NXN: variants seen among roughly 807,000 people sequenced by gnomAD.
NXN encodes the protein nucleoredoxin.
A neutral mutation model predicts 48.6 loss-of-function variants in NXN; 16 were observed. The observed-to-expected ratio is 0.33, with a 90% CI of 0.22 to 0.50. The LOEUF is 0.50. NXN is among the 20% of genes least tolerant of loss of function. The probability of loss-of-function intolerance (pLI) is 0.98; values close to 1 mark genes in which losing one functional copy is unlikely to be tolerated. For synonymous variants in NXN, 281 were observed against 269.6 expected, an observed-to-expected ratio of 1.04 and a Z score of -0.41; for missense variants, 492 against 605.5, an observed-to-expected ratio of 0.81 and a Z score of 1.97.
chr17:955,135 C>T (rs183287304), intron 1 of NXN, among the ~76,000 whole-genome samples: 63 of 151,816 alleles, frequency 4.1e-4, no homozygotes, highest in African/African-American at 1.4e-3. Context: ...GTGGTATTTC[C>T]CTCTTTTCCA....
chr17:829,693 C>T (rs1913347813), intron 1 of NXN, among the ~76,000 whole-genome samples: 1 of 152,110 alleles, frequency 6.6e-6, no homozygotes, highest in Non-Finnish European at 1.5e-5. Context: ...CATTGTTCAA[C>T]TCCCATTTAT....
intron 1 of NXN, among the ~76,000 whole-genome samples, chr17:895,505 C>T (rs1382032912): frequency 1.3e-5 from 2 of 152,068 alleles, no homozygotes; most frequent in African/African-American, 4.8e-5. Flanking sequence ...TACAATAATA[C>T]TTTCTGGTTT....
intron 1 of NXN, among the ~76,000 whole-genome samples, chr17:880,993 C>T (rs1032079367): frequency 8.5e-5 from 13 of 152,110 alleles, no homozygotes; most frequent in Non-Finnish European, 1.5e-4. Context: ...GCCCCATCTA[C>T]GGCAGGTAGC....
intron 1 of NXN, among the ~76,000 whole-genome samples, chr17:829,592 G>A (rs1014314269): frequency 2.0e-5 from 3 of 151,862 alleles, no homozygotes; most frequent in African/African-American, 7.3e-5. Flanking sequence ...GCATGCATTA[G>A]GTATTTCTCC....
intron 1 of NXN, among the ~76,000 whole-genome samples, chr17:937,540 C>T (rs1368455936): frequency 1.3e-5 from 2 of 152,190 alleles, no homozygotes; most frequent in Non-Finnish European, 2.9e-5. Flanking sequence ...TCGAGAGGAA[C>T]GCACACTTCT....
chr17:888,311 T>C lies in NXN; in HGVS notation c.361-62233A>G, dbSNP rs2068371382. Among the ~76,000 whole-genome samples, 6 of 152,200 alleles carry C rather than the reference T, an allele frequency of 3.9e-5. No individual in the cohort carries two copies. In the South Asian group the frequency reaches 1.0e-3, roughly 26 times the overall value. ...ACAGCTCACTGCAACCTCGACCTCC[T>C]GGGCTCAAGCGATCCTCCCACCTCA... On this transcript the variant is annotated intron_variant, in intron 1 of 7. Coordinates refer to ENST00000336868, the MANE Select transcript of NXN (RefSeq NM_022463.5).
chr17:904,418 G>A (rs2068565078), intron 1 of NXN, among the ~76,000 whole-genome samples: 1 of 135,850 alleles, frequency 7.4e-6, no homozygotes, highest in South Asian at 2.3e-4. Flanking sequence ...TTTCCCAGTG[G>A]CCTCTTTTCC....
chr17:969,640 T>C (rs963136598), intron 1 of NXN, among the ~76,000 whole-genome samples: 2 of 152,172 alleles, frequency 1.3e-5, no homozygotes, highest in Admixed American at 1.3e-4. Context: ...GCAGCTGTGC[T>C]GTGAGCCACC....
chr17:801,199 C>G (rs1304938112), intron 7 of NXN, 68 bp from the exon 8 acceptor site: 9 of 1,266,430 alleles, frequency 7.1e-6, no homozygotes, highest in Non-Finnish European at 9.4e-6. Flanking sequence ...TCCCCTGGGC[C>G]CAGTCTCCCC....
At chr17:816,592 C>T (rs759169218) in intron 5 of NXN, among the ~76,000 whole-genome samples, 2 of 152,036 alleles carry the variant, frequency 1.3e-5, no homozygotes, top group Non-Finnish European at 2.9e-5. Flanking sequence ...CTGGCGGCTT[C>T]GCATTCAAAG....
chr17:885,048 G>A (rs760666101), intron 1 of NXN, among the ~76,000 whole-genome samples: 10 of 152,192 alleles, frequency 6.6e-5, no homozygotes, highest in Non-Finnish European at 1.0e-4. Context: ...AAGACCAAGC[G>A]GAGCTGAGTC....
chr17:885,672 C>CTTTTTTTTTTTTT lies in NXN; in HGVS notation c.361-59607_361-59595dup, dbSNP rs532225883. 1.6e-4 allele frequency among the ~76,000 whole-genome samples: 13 copies of CTTTTTTTTTTTTT among 83,746 alleles called. 2 individuals carry two copies. Among genetic ancestry groups the CTTTTTTTTTTTTT allele is most frequent in the African/African-American group, 2.0e-4 (3 of 15,212 alleles). 54.9% of individuals were successfully genotyped at this position (83,746 alleles called of 152,430 possible). The stretch of plus-strand genomic sequence containing the variant: ...GCCCACCTGGGGGCTGCGGTACTCG[C>CTTTTTTTTTTTTT]TTTTTTTTTTTTTTTTTTTTTTTTT... On this transcript the variant is annotated intron_variant, in intron 1 of 7. Coordinates refer to ENST00000336868, the MANE Select transcript of NXN (RefSeq NM_022463.5).
chr17:859,424 CT>C (rs1402147605), intron 1 of NXN, among the ~76,000 whole-genome samples: 3 of 152,028 alleles, frequency 2.0e-5, no homozygotes, highest in African/African-American at 7.2e-5. Context: ...ATAAAAGCTC[CT>C]TAATGTCAAG....
chr17:904,551 T>G (rs2068566399), intron 1 of NXN, among the ~76,000 whole-genome samples: 1 of 152,122 alleles, frequency 6.6e-6, no homozygotes, highest in African/African-American at 2.4e-5. Context: ...TTCGTTTACT[T>G]GTTTGTTTTT....
chr17:841,714 C>A (rs1914332317), intron 1 of NXN, among the ~76,000 whole-genome samples: 1 of 152,160 alleles, frequency 6.6e-6, no homozygotes, highest in Admixed American at 6.5e-5. Context: ...GTGAGCAGGT[C>A]CACCCTGACA....
intron 1 of NXN, among the ~76,000 whole-genome samples, chr17:940,541 G>C (rs528819684): frequency 6.6e-6 from 1 of 152,214 alleles, no homozygotes; most frequent in Non-Finnish European, 1.5e-5. Flanking sequence ...ACATCACCCA[G>C]ACCCTTTCAC....
intron 5 of NXN, among the ~76,000 whole-genome samples, chr17:811,988 CAA>C (rs774568952): frequency 0.039 from 5,051 of 128,550 alleles, 139 homozygotes; most frequent in Middle Eastern, 0.13. Context: ...AGTGCAGTGG[CAA>C]GATCTCGGCT....
At chr17:822,589 A>C in intron 3 of NXN, 132 bp from the exon 4 acceptor site, 1 of 639,150 alleles carries the variant, frequency 1.6e-6, no homozygotes, top group South Asian at 1.8e-5. Flanking sequence ...AAAGGGGTGG[A>C]AATGAGATGG....
At chr17:923,658 T>C (rs559121714) in intron 1 of NXN, among the ~76,000 whole-genome samples, 21 of 152,382 alleles carry the variant, frequency 1.4e-4, no homozygotes, top group South Asian at 4.1e-4. Context: ...GCGTCCAGCA[T>C]TGGGGACAGG....
Sources: gnomAD v4.1 joint callset for allele counts (sites outside exome capture counted in the v4.1 genomes callset) on GRCh38, gnomAD v4.1.1 for gene constraint, MANE v1.5 for transcripts, NCBI Gene and HGNC (gene_info 2026-07-23, HGNC 2026-07-21) for gene names.